PPP1R1A: variants seen among roughly 807,000 people sequenced by gnomAD.
PPP1R1A encodes the protein protein phosphatase 1 regulatory subunit 1A.
Under a neutral mutation model 23.9 loss-of-function variants are expected in PPP1R1A, and 18 were observed. That is an observed-to-expected ratio of 0.75 (90% CI 0.52 to 1.12). The LOEUF is 1.12. PPP1R1A is among the 50% of genes most tolerant of loss of function. PPP1R1A has a pLI of 0.00. For missense variants in PPP1R1A, 207 were observed against 223.8 expected (o/e 0.92, Z 0.48); for synonymous variants, 84 against 80.7 (o/e 1.04, Z -0.22).
In PPP1R1A at chr12:54,579,878, C is replaced by G; in HGVS notation, c.*509G>C. On this transcript the variant is annotated 3_prime_UTR_variant, in exon 7 of 7. Transcript: ENST00000257905. ...TGGGCCAAGTGCCATGGTGCAGTTC[C>G]CCTTTTGTCCAGCAGATGGAGCCCA... is the stretch of plus-strand genomic sequence containing the variant. 1 of 986,404 alleles carries G rather than the reference C, an allele frequency of 1.0e-6. No homozygotes were observed. The highest frequency in any genetic ancestry group is 6.1e-5 in the Admixed American group (1 of 16,376). 61.1% of individuals were successfully genotyped at this position (986,404 alleles called of 1,614,324 possible). A position where few individuals can be genotyped will look rare whatever the true frequency, so the allele number is the denominator to read the frequency against.
rs939111659 is a variant in PPP1R1A, at chr12:54,579,961, AGGGCAGGCCTGT to A, written c.*414_*425del. On this transcript the variant is annotated 3_prime_UTR_variant, in exon 7 of 7. Coordinates refer to ENST00000257905, the MANE Select transcript of PPP1R1A (RefSeq NM_006741.4). ...TTAGAGCGCCGAGTCTTCCAGCTGC[AGGGCAGGCCTGT>A]GAGGTGGTCGGATCGTTCCTCAATA... 2 of 994,848 alleles carry A rather than the reference AGGGCAGGCCTGT, an allele frequency of 2.0e-6. No individual in the cohort carries two copies. Among genetic ancestry groups the A allele is most frequent in the African/African-American group, 3.5e-5 (2 of 57,448 alleles). The allele number at this position is 994,848 out of a possible 1,614,324, so 61.6% of individuals were successfully genotyped here. A position where few individuals can be genotyped will look rare whatever the true frequency, so the allele number is the denominator to read the frequency against.
intron 6 of PPP1R1A, 172 bp downstream of exon 6, chr12:54,580,772 T>G (rs1957847296): frequency 2.7e-6 from 2 of 749,384 alleles, no homozygotes; most frequent in South Asian, 2.9e-5. Context: ...TATCCATTTC[T>G]TTTTGTCTGT....
chr12:54,588,490 G>A lies in PPP1R1A; in HGVS notation c.-2C>T, dbSNP rs1037975578. 1.1e-5 allele frequency: 15 copies of A among 1,365,970 alleles called. No homozygotes were observed. The highest frequency in any genetic ancestry group is 1.4e-5 in the Non-Finnish European group (15 of 1,047,214). 84.6% of individuals were successfully genotyped at this position (1,365,970 alleles called of 1,614,324 possible). ...TCGGGGGCTGTTGTCTTGCTCCATG[G>A]CTGGGGCGGCGGCCGGTGGGCCCGC... On this transcript the variant is annotated 5_prime_UTR_variant, in exon 1 of 7. Coordinates refer to ENST00000257905, the MANE Select transcript of PPP1R1A (RefSeq NM_006741.4).
At chr12:54,588,002 C>T (rs1957926899) in intron 1 of PPP1R1A, among the ~76,000 whole-genome samples, 1 of 152,106 alleles carries the variant, frequency 6.6e-6, no homozygotes, top group Admixed American at 6.5e-5. Context: ...CAGGCCCCTC[C>T]CGCACTGCTG....
In PPP1R1A at chr12:54,583,242, T is replaced by C. The variant is rs1035860739; in HGVS notation, c.152A>G (p.Asp51Gly). Residue 51 changes from aspartate (D) to glycine (G), a missense_variant, in exon 3 of 7, where the codon GAT (aspartate) becomes GGT (glycine). Physicochemically the swap from Asp to Gly is moderately conservative, Grantham distance 94. Coordinates refer to ENST00000257905, the MANE Select transcript of PPP1R1A (RefSeq NM_006741.4). ...ATGTGGGTTGGGGATCCGGTCTTCA[T>C]CTATCTCTGAAGGGAACAGGGAAAG... Reference protein sequence around the residue: ...LTSDQSSPEIDEDRIPNPHLK... With the variant: ...LTSDQSSPEIGEDRIPNPHLK... 2 of 1,532,684 alleles carry C rather than the reference T, an allele frequency of 1.3e-6. No homozygotes were observed. Among genetic ancestry groups the C allele is most frequent in the Non-Finnish European group, 1.7e-6 (2 of 1,145,124 alleles). The allele number at this position is 1,532,684 out of a possible 1,614,324, so 94.9% of individuals were successfully genotyped here. A position where few individuals can be genotyped will look rare whatever the true frequency, so the allele number is the denominator to read the frequency against.
Position 54,581,877 on chromosome 12 carries a change from C to T in PPP1R1A, c.403+99G>A, listed in dbSNP as rs903085318. 4 of 1,418,278 alleles carry T rather than the reference C, an allele frequency of 2.8e-6. No individual in the cohort carries two copies. In the African/African-American group the frequency reaches 5.8e-5, roughly 20 times the overall value. 87.9% of individuals were successfully genotyped at this position (1,418,278 alleles called of 1,614,324 possible). On this transcript the variant is annotated intron_variant, in intron 5 of 6. Coordinates refer to ENST00000257905, the MANE Select transcript of PPP1R1A (RefSeq NM_006741.4). The surrounding 1 kb of genome is among the most constrained non-coding windows in gnomAD (Gnocchi z 4.1). ...AGTTTTTGCCTACTACTAGGCCTCT[C>T]CCAGGCTCCAACTCTTTCCCCTCCC...
rs1408791378 is a variant in PPP1R1A at position 54,581,584 on chromosome 12, T to C, written c.403+392A>G. Among the ~76,000 whole-genome samples the C allele has an allele frequency of 6.6e-6, 1 of 152,232 alleles. No individual in the cohort carries two copies. Among genetic ancestry groups the C allele is most frequent in the Non-Finnish European group, 1.5e-5 (1 of 68,040 alleles). ...TGTGTCAACAGCCAGTCTCATTTAA[T>C]AGTCACACACAACCCACTGCAACAG... On this transcript the variant is annotated intron_variant, in intron 5 of 6. Transcript: ENST00000257905. The surrounding 1 kb of genome is among the most constrained non-coding windows in gnomAD (Gnocchi z 4.1).
In PPP1R1A at chr12:54,588,653, G is replaced by A. The variant is rs1041579439; in HGVS notation, c.-165C>T. 29 of 233,918 alleles carry A rather than the reference G, an allele frequency of 1.2e-4. No individual in the cohort carries two copies. The highest frequency in any genetic ancestry group is 6.9e-4 in the Admixed American group (12 of 17,448). The allele number at this position is 233,918 out of a possible 1,614,324, so 14.5% of individuals were successfully genotyped here. A position where few individuals can be genotyped will look rare whatever the true frequency, so the allele number is the denominator to read the frequency against. The stretch of plus-strand genomic sequence containing the variant: ...CAGCGCTCCCAGCTCGCGGCTCCGG[G>A]GACTCTGCCGCCGCCGATTGGCTCC... On this transcript the variant is annotated 5_prime_UTR_variant, in exon 1 of 7. Coordinates refer to ENST00000257905, the MANE Select transcript of PPP1R1A (RefSeq NM_006741.4).
intron 1 of PPP1R1A, among the ~76,000 whole-genome samples, chr12:54,586,137 T>C (rs1241851063): frequency 6.6e-6 from 1 of 152,052 alleles, no homozygotes; most frequent in Non-Finnish European, 1.5e-5. Context: ...GATCAGTGGG[T>C]TGAGATAACA....
In PPP1R1A at chr12:54,580,245, A is replaced by G; in HGVS notation, c.*142T>C. On this transcript the variant is annotated 3_prime_UTR_variant, in exon 7 of 7. Transcript: ENST00000257905. ...AAAGGATTCTCCCAGTTGGAAAAGA[A>G]GGAAAGTGCCAAGGACCTAACACCA... 1.4e-6 allele frequency: 2 copies of G among 1,464,612 alleles called. No individual in the cohort carries two copies. The highest frequency in any genetic ancestry group is 9.1e-7 in the Non-Finnish European group (1 of 1,103,248). 90.7% of individuals were successfully genotyped at this position (1,464,612 alleles called of 1,614,324 possible). A position where few individuals can be genotyped will look rare whatever the true frequency, so the allele number is the denominator to read the frequency against.
intron 1 of PPP1R1A, 52 bp downstream of exon 1, chr12:54,588,353 G>A (rs922345685): frequency 2.1e-6 from 3 of 1,441,174 alleles, no homozygotes; most frequent in Non-Finnish European, 2.8e-6. Context: ...CAGTCCAGGG[G>A]TCCCTCGTCC....
chr12:54,588,258 C>CCCA, intron 1 of PPP1R1A, 147 bp downstream of exon 1: 1 of 235,310 alleles, frequency 4.2e-6, no homozygotes, highest in South Asian at 1.5e-4. Flanking sequence ...GACAGAAGAC[C>CCCA]CCCCCCCGCC....
intron 1 of PPP1R1A, 26 bp downstream of exon 1, chr12:54,588,379 C>A: frequency 1.3e-6 from 2 of 1,489,436 alleles, no homozygotes; most frequent in Non-Finnish European, 9.0e-7. Flanking sequence ...TGGGCGAGTG[C>A]CCTGCCGCCC....
At chr12:54,585,042 T>C (rs1144997) in intron 1 of PPP1R1A, among the ~76,000 whole-genome samples, 116,709 of 152,124 alleles carry the variant, frequency 0.77, 44,907 homozygotes, top group East Asian at 0.84. Flanking sequence ...CCAAGCAAGA[T>C]GTTAACATTT....
chr12:54,579,573 G>GT lies in PPP1R1A; in HGVS notation c.*813dup, dbSNP rs1957832504. ...ACAGCAGCAGGAGAGAGGCCTGGCC[G>GT]TGAGATCTGAGACAGTTTCTTCTCT... On this transcript the variant is annotated 3_prime_UTR_variant, in exon 7 of 7. Transcript: ENST00000257905. The GT allele has an allele frequency of 4.1e-6, 4 of 985,304 alleles. No individual in the cohort carries two copies. The highest frequency in any genetic ancestry group is 4.8e-6 in the Non-Finnish European group (4 of 829,968). The allele number at this position is 985,304 out of a possible 1,614,324, so 61.0% of individuals were successfully genotyped here. A position where few individuals can be genotyped will look rare whatever the true frequency, so the allele number is the denominator to read the frequency against.
chr12:54,582,328 C>T (rs11170980), intron 4 of PPP1R1A, among the ~76,000 whole-genome samples, 197 bp from the exon 5 acceptor site: 33,489 of 152,104 alleles, frequency 0.22, 4,543 homozygotes, highest in Middle Eastern at 0.38. Flanking sequence ...ATAAAAAGTA[C>T]TCTTCTTCAC....
intron 1 of PPP1R1A, among the ~76,000 whole-genome samples, chr12:54,586,945 T>C (rs1957917209): frequency 6.6e-6 from 1 of 152,198 alleles, no homozygotes; most frequent in African/African-American, 2.4e-5. Flanking sequence ...TCCTGGCTGA[T>C]GCCCTGCCTC....
chr12:54,586,947 C>T (rs1287833566), intron 1 of PPP1R1A, among the ~76,000 whole-genome samples: 1 of 152,208 alleles, frequency 6.6e-6, no homozygotes, highest in Non-Finnish European at 1.5e-5. Context: ...CTGGCTGATG[C>T]CCTGCCTCCA....
At chr12:54,586,117 G>C (rs760920289) in intron 1 of PPP1R1A, among the ~76,000 whole-genome samples, 9 of 152,156 alleles carry the variant, frequency 5.9e-5, no homozygotes, top group Non-Finnish European at 1.0e-4. Context: ...GACAAGGAGG[G>C]TGGAGTGGCG....
Sources: allele counts gnomAD v4.1 joint callset (sites outside exome capture counted in the v4.1 genomes callset), GRCh38; gene constraint gnomAD v4.1.1; non-coding constraint Gnocchi (gnomAD v3.1); transcripts MANE v1.5; gene names NCBI Gene and HGNC (gene_info 2026-07-23, HGNC 2026-07-21).